TULP4: variants seen among roughly 807,000 people sequenced by gnomAD.
The protein encoded by TULP4 is TUB like protein 4.
TULP4 carries 16 observed loss-of-function variants against 129.0 expected under a neutral mutation model. The ratio of observed to expected loss-of-function variants is 0.12; its 90% CI spans 0.08 to 0.19. The LOEUF is 0.19. Ranked by LOEUF, TULP4 falls within the 10% of genes least tolerant of loss-of-function variation. TULP4 has a pLI of 1.00. For synonymous variants in TULP4, 998 were observed against 854.0 expected (o/e 1.17, Z -2.94); for missense variants, 1,842 against 2,059.1 (o/e 0.89, Z 2.04).
At chr6:158,401,442 G>A (rs546702457) in intron 1 of TULP4, among the ~76,000 whole-genome samples, 1 of 152,284 alleles carries the variant, frequency 6.6e-6, no homozygotes, top group South Asian at 2.1e-4. Flanking sequence ...GTGCATATGT[G>A]TGCACGCAGT....
At chr6:158,283,013 C>CT (rs1205468102) in intron 1 of TULP4, among the ~76,000 whole-genome samples, 1 of 151,928 alleles carries the variant, frequency 6.6e-6, no homozygotes, top group East Asian at 1.9e-4. Context: ...GTGGCACACA[C>CT]TTGTAGTCCC....
chr6:158,378,385 A>T (rs908149733), intron 1 of TULP4, among the ~76,000 whole-genome samples: 1 of 150,800 alleles, frequency 6.6e-6, no homozygotes, highest in African/African-American at 2.4e-5. Flanking sequence ...TTAAAAGGAA[A>T]GAATAATTTT....
intron 1 of TULP4, among the ~76,000 whole-genome samples, chr6:158,396,135 T>C (rs1050559012): frequency 6.6e-6 from 1 of 152,222 alleles, no homozygotes; most frequent in African/African-American, 2.4e-5. Flanking sequence ...AGAAAATATA[T>C]GCAATAATGT....
intron 1 of TULP4, among the ~76,000 whole-genome samples, chr6:158,334,438 G>T (rs1406179666): frequency 6.6e-6 from 1 of 152,114 alleles, no homozygotes; most frequent in Admixed American, 6.5e-5. Context: ...TAGCTTTATT[G>T]TAAGAATATG....
chr6:158,334,691 G>A (rs1323414010), intron 1 of TULP4, among the ~76,000 whole-genome samples: 1 of 152,182 alleles, frequency 6.6e-6, no homozygotes, highest in African/African-American at 2.4e-5. Flanking sequence ...AGTGTGTGCA[G>A]TGGTCTGAAT....
At position 158,502,076 on chromosome 6, in the gene TULP4, C is replaced by T; in HGVS notation, c.2413C>T (p.Leu805=). Reference sequence around the variant, plus strand: ...ACACCTGCAGAAGTCAGCCAAGGCCCTGCGGCCAACACCGCAGCTGGCAGC... The same window carrying T: ...ACACCTGCAGAAGTCAGCCAAGGCCTTGCGGCCAACACCGCAGCTGGCAGC... The part of the protein sequence containing the change: ...HEHLQKSAKA[L]RPTPQLAAEG... The change falls in exon 13 of 14, where the codon CTG becomes TTG. Residue 805 remains leucine, a synonymous_variant. Coordinates refer to ENST00000367097, the MANE Select transcript of TULP4 (RefSeq NM_020245.5). 1 of 1,612,746 alleles carries T rather than the reference C, an allele frequency of 6.2e-7. No homozygotes were observed.
At chr6:158,362,994 G>A (rs989010276) in intron 1 of TULP4, among the ~76,000 whole-genome samples, 4 of 150,934 alleles carry the variant, frequency 2.7e-5, no homozygotes, top group Admixed American at 2.0e-4. Context: ...CCCGGGAGGC[G>A]GAGTTTGCAG....
chr6:158,369,959 AG>A (rs1468422748), intron 1 of TULP4, among the ~76,000 whole-genome samples: 4 of 152,168 alleles, frequency 2.6e-5, no homozygotes, highest in Non-Finnish European at 4.4e-5. Flanking sequence ...AGGCCGAGGC[AG>A]GCAGATAGCT....
chr6:158,390,221 C>T (rs1379004189), intron 1 of TULP4, among the ~76,000 whole-genome samples: 3 of 152,008 alleles, frequency 2.0e-5, no homozygotes, highest in African/African-American at 7.2e-5. Flanking sequence ...CTATTTTGCA[C>T]ATATAAAAAT....
At chr6:158,243,861 T>C (rs1455001938) in intron 1 of TULP4, among the ~76,000 whole-genome samples, 1 of 151,232 alleles carries the variant, frequency 6.6e-6, no homozygotes, top group Non-Finnish European at 1.5e-5. Context: ...TGTGTGTGTG[T>C]GTGTGTGTGT....
intron 1 of TULP4, among the ~76,000 whole-genome samples, chr6:158,379,566 T>G (rs577642308): frequency 6.6e-6 from 1 of 152,354 alleles, no homozygotes; most frequent in African/African-American, 2.4e-5. Flanking sequence ...TTTCTACGTG[T>G]TTAGCCTTGT....
chr6:158,232,461 G>A (rs1030213389), intron 1 of TULP4, among the ~76,000 whole-genome samples: 2 of 150,112 alleles, frequency 1.3e-5, no homozygotes, highest in Non-Finnish European at 3.0e-5. Flanking sequence ...GGGTCGGGGC[G>A]GTGGCTGCGG....
At chr6:158,246,626 C>T (rs1778036712) in intron 1 of TULP4, among the ~76,000 whole-genome samples, 1 of 152,134 alleles carries the variant, frequency 6.6e-6, no homozygotes, top group Non-Finnish European at 1.5e-5. Context: ...GGATCTATAC[C>T]AGTGAGTCAG....
intron 1 of TULP4, among the ~76,000 whole-genome samples, chr6:158,403,668 T>C (rs1777905619): frequency 6.6e-6 from 1 of 152,206 alleles, no homozygotes; most frequent in Non-Finnish European, 1.5e-5. Flanking sequence ...GCAAACTTGA[T>C]AATTACTACG....
At chr6:158,348,632 TTTTC>T (rs1175481157) in intron 1 of TULP4, among the ~76,000 whole-genome samples, 1 of 151,956 alleles carries the variant, frequency 6.6e-6, no homozygotes, top group Non-Finnish European at 1.5e-5. Context: ...CATTTCCCCC[TTTTC>T]TTTTTGACAA....
At position 158,271,105 on chromosome 6, in the gene TULP4, G is replaced by A. The variant is rs113285989; in HGVS notation, n.68+38802G>A. 6.5e-3 allele frequency among the ~76,000 whole-genome samples: 962 copies of A among 149,068 alleles called. 11 individuals are homozygous for A. Among genetic ancestry groups the A allele is most frequent in the African/African-American group, 0.022 (894 of 40,246 alleles). Reference sequence around the variant, plus strand: ...GTGGAGGTTGCAGTTAGCCGAGATCGCGCCACTGTACTCCAGCCTGGGTGA... The same window carrying A: ...GTGGAGGTTGCAGTTAGCCGAGATCACGCCACTGTACTCCAGCCTGGGTGA... On this transcript the variant is annotated intron_variant and non_coding_transcript_variant, in intron 1 of 1. Coordinates refer to the TULP4 transcript ENST00000620026.
At chr6:158,426,395 T>C (rs2115048479) in intron 2 of TULP4, among the ~76,000 whole-genome samples, 1 of 152,382 alleles carries the variant, frequency 6.6e-6, no homozygotes, top group African/African-American at 2.4e-5. Flanking sequence ...TTGATTTTTG[T>C]ATATTGTATA....
In TULP4 at chr6:158,509,738, C is replaced by A. The variant is rs185071558; in HGVS notation, c.*3044C>A. ...CCGGAGTGACCCCGGCAGCCACTGCCCACCTCCCCTCTACCCAGGGGCCTG... is the reference window on the plus strand; with the variant it reads ...CCGGAGTGACCCCGGCAGCCACTGCACACCTCCCCTCTACCCAGGGGCCTG... On this transcript the variant is annotated 3_prime_UTR_variant, in exon 14 of 14. Transcript: ENST00000367097. 6.6e-6 allele frequency: 1 copy of A among 152,212 alleles called. No individual in the cohort carries two copies. The highest frequency in any genetic ancestry group is 6.5e-5 in the Admixed American group (1 of 15,286). 9.4% of individuals were successfully genotyped at this position (152,212 alleles called of 1,614,324 possible).
intron 1 of TULP4, among the ~76,000 whole-genome samples, chr6:158,369,295 A>T (rs918530768): frequency 2.0e-4 from 31 of 152,120 alleles, no homozygotes; most frequent in African/African-American, 7.2e-4. Context: ...GGAGTTTGAG[A>T]CCAGACTAGG....
Sources: allele counts gnomAD v4.1 joint callset (sites outside exome capture counted in the v4.1 genomes callset), GRCh38; gene constraint gnomAD v4.1.1; transcripts MANE v1.5; gene names NCBI Gene and HGNC (gene_info 2026-07-23, HGNC 2026-07-21).